Variants in KDM4C observed in about 807,000 individuals in gnomAD.
KDM4C encodes the protein lysine-specific demethylase 4C.
A neutral mutation model predicts 129.3 loss-of-function variants in KDM4C; 81 were observed. That is an observed-to-expected ratio of 0.63 (90% CI 0.52 to 0.75). KDM4C has a LOEUF of 0.75. KDM4C is among the 30% of genes least tolerant of loss of function. The pLI is 0.00. For synonymous variants in KDM4C, 573 were observed against 456.1 expected (o/e 1.26, Z -3.26); for missense variants, 1,457 against 1,304.0 (o/e 1.12, Z -1.81).
At chr9:7,075,834 C>T (rs1293831454) in intron 17 of KDM4C, among the ~76,000 whole-genome samples, 2 of 151,232 alleles carry the variant, frequency 1.3e-5, no homozygotes, top group Non-Finnish European at 2.9e-5. Flanking sequence ...TTTTTTGAGA[C>T]AGAGTTTCAC....
At chr9:6,866,244 G>A (rs1276695562) in intron 5 of KDM4C, among the ~76,000 whole-genome samples, 2 of 151,924 alleles carry the variant, frequency 1.3e-5, no homozygotes, top group Non-Finnish European at 2.9e-5. Flanking sequence ...ATTTACCTTG[G>A]ATTTATTTAC....
intron 12 of KDM4C, among the ~76,000 whole-genome samples, chr9:6,991,751 C>A (rs1169994201): frequency 6.6e-6 from 1 of 152,170 alleles, no homozygotes; most frequent in Non-Finnish European, 1.5e-5. Context: ...AAAACAAGAT[C>A]ATGGCAGGGC....
intron 1 of KDM4C, among the ~76,000 whole-genome samples, chr9:6,726,329 G>A (rs542986789): frequency 2.0e-4 from 31 of 152,242 alleles, no homozygotes; most frequent in African/African-American, 4.8e-4. Flanking sequence ...AGGTTTTCTC[G>A]ACTGACTCAA....
intron 1 of KDM4C, among the ~76,000 whole-genome samples, chr9:6,769,093 A>G (rs1221667872): frequency 1.3e-5 from 2 of 152,108 alleles, no homozygotes; most frequent in Admixed American, 6.6e-5. Flanking sequence ...TCATTTTAAA[A>G]AAGGAAATTT....
At chr9:6,756,627 G>T (rs1183433749), upstream of KDM4C, among the ~76,000 whole-genome samples, 2 of 152,228 alleles carry the variant, frequency 1.3e-5, no homozygotes, top group Non-Finnish European at 2.9e-5. Flanking sequence ...TGAGGCAGGA[G>T]AATCTCTCGA....
intron 4 of KDM4C, among the ~76,000 whole-genome samples, chr9:6,826,800 G>A (rs1419396134): frequency 6.6e-6 from 1 of 151,790 alleles, no homozygotes; most frequent in Non-Finnish European, 1.5e-5. Flanking sequence ...CTGGGAGGTA[G>A]AGGTTGCAAT....
chr9:7,154,721 G>C lies in KDM4C; in HGVS notation c.2782-10517G>C, dbSNP rs915616916. On this transcript the variant is annotated intron_variant, in intron 19 of 21. Transcript: ENST00000381309. ...TTGAAGTAACTGATCACAGCCAAAA[G>C]GCCACTCTTCACCGTGATTATGATT... Among the ~76,000 whole-genome samples the C allele has an allele frequency of 2.6e-5, 4 of 152,272 alleles. No individual in the cohort carries two copies. In the South Asian group the frequency reaches 8.3e-4, roughly 32 times the overall value.
At chr9:7,155,573 G>C (rs1843082780) in intron 19 of KDM4C, among the ~76,000 whole-genome samples, 1 of 151,960 alleles carries the variant, frequency 6.6e-6, no homozygotes, top group Non-Finnish European at 1.5e-5. Context: ...TGATCTCATT[G>C]TTCAGTTCCC....
chr9:6,752,103 A>G (rs907136150), intron 1 of KDM4C, among the ~76,000 whole-genome samples: 4 of 150,112 alleles, frequency 2.7e-5, no homozygotes, highest in South Asian at 2.1e-4. Flanking sequence ...GGAGGCCGAG[A>G]CGGGCGGATC....
intron 4 of KDM4C, among the ~76,000 whole-genome samples, chr9:6,826,177 G>C (rs897469527): frequency 2.1e-5 from 3 of 143,908 alleles, no homozygotes; most frequent in Non-Finnish European, 4.6e-5. Context: ...CTGGGGAAAA[G>C]TTTTTTTTTT....
At chr9:6,725,783 C>T (rs529467421) in intron 1 of KDM4C, among the ~76,000 whole-genome samples, 32 of 149,048 alleles carry the variant, frequency 2.1e-4, no homozygotes, top group African/African-American at 7.4e-4. Flanking sequence ...GATCTCGGCT[C>T]ACTGCAACCT....
intron 8 of KDM4C, among the ~76,000 whole-genome samples, chr9:6,928,727 A>G (rs1271398355): frequency 2.6e-5 from 4 of 151,302 alleles, no homozygotes; most frequent in Non-Finnish European, 4.4e-5. Flanking sequence ...CTGCATTCTT[A>G]CCCACTCGTT....
chr9:7,025,005 G>T (rs1320780793), intron 15 of KDM4C, among the ~76,000 whole-genome samples: 3 of 152,132 alleles, frequency 2.0e-5, no homozygotes, highest in Non-Finnish European at 4.4e-5. Context: ...GTTGTTTCGT[G>T]ACTTTTAATG....
At chr9:6,860,374 AT>A (rs1256442143) in intron 5 of KDM4C, among the ~76,000 whole-genome samples, 1 of 152,156 alleles carries the variant, frequency 6.6e-6, no homozygotes, top group Non-Finnish European at 1.5e-5. Flanking sequence ...TCTCTAGGGA[AT>A]AGTTGGTGAT....
At chr9:7,164,374 G>A (rs569216949) in intron 19 of KDM4C, among the ~76,000 whole-genome samples, 33 of 147,346 alleles carry the variant, frequency 2.2e-4, no homozygotes, top group Middle Eastern at 7.1e-3. Flanking sequence ...GCACCTTTCA[G>A]GATTAATCAC....
Position 7,011,848 on chromosome 9 carries a change from C to T in KDM4C, c.1937C>T (p.Ala646Val). The T allele has an allele frequency of 2.5e-6, 4 of 1,613,868 alleles. No individual in the cohort carries two copies. Among genetic ancestry groups the T allele is most frequent in the Non-Finnish European group, 3.4e-6 (4 of 1,179,904 alleles). The stretch of plus-strand genomic sequence containing the variant: ...GTGGCCAGGATGAAGCCACACTGTG[C>T]CATCTGCACTCTGCTCATGCCGTAC... ...ATVARMKPHC[A>V]ICTLLMPYHK... The change falls in exon 13 of 22, where the codon GCC (alanine) becomes GTC (valine). Residue 646 changes from alanine (A) to valine (V), a missense_variant. By Grantham distance (64) the Ala-to-Val change is moderately conservative. Transcript: ENST00000381309.
At chr9:7,035,189 T>C (rs1244789384) in intron 15 of KDM4C, among the ~76,000 whole-genome samples, 1 of 151,156 alleles carries the variant, frequency 6.6e-6, no homozygotes, top group Admixed American at 6.6e-5. Context: ...AGTTTTTGTA[T>C]TTTTAGTAGA....
intron 17 of KDM4C, among the ~76,000 whole-genome samples, chr9:7,077,928 C>G (rs551937236): frequency 2.0e-5 from 3 of 152,188 alleles, no homozygotes; most frequent in African/African-American, 7.2e-5. Context: ...GATATTTAGG[C>G]TCTGGGATCA....
At chr9:7,100,313 T>C (rs561344123) in intron 17 of KDM4C, among the ~76,000 whole-genome samples, 11 of 152,280 alleles carry the variant, frequency 7.2e-5, no homozygotes, top group African/African-American at 2.6e-4. Context: ...TACAGTAGTG[T>C]TTATCAAATC....
Sources: allele counts gnomAD v4.1 joint callset (sites outside exome capture counted in the v4.1 genomes callset), GRCh38; gene constraint gnomAD v4.1.1; transcripts MANE v1.5; gene names NCBI Gene and HGNC (gene_info 2026-07-23, HGNC 2026-07-21).